The following OR56A3 variants were observed in gnomAD, a reference collection of about 807,000 sequenced individuals.
OR56A3 encodes olfactory receptor family 56 subfamily A member 3, also known as olfactory receptor 56A3.
In OR56A3, 23 loss-of-function variants were observed where a neutral mutation model predicts 17.5. That is an observed-to-expected ratio of 1.32 (90% CI 0.95 to 1.87). The LOEUF (loss-of-function observed/expected upper bound fraction) is 1.87. Ranked by LOEUF, OR56A3 falls within the 40% of genes most tolerant of loss-of-function variation. The pLI, the probability that OR56A3 is intolerant of heterozygous loss-of-function variation, is 0.00. For missense variants in OR56A3, 366 were observed against 380.1 expected (o/e 0.96, Z 0.31); for synonymous variants, 175 against 150.6 (o/e 1.16, Z -1.19).
the OR56A3 span, among the ~76,000 whole-genome samples, chr11:5,982,660 G>T: frequency 6.6e-6 from 1 of 152,124 alleles, no homozygotes; most frequent in African/African-American, 2.4e-5. Flanking sequence ...AAGCCTTGGG[G>T]GATGGGTGTC....
the OR56A3 span, among the ~76,000 whole-genome samples, chr11:5,979,758 TC>T: frequency 1.0e-3 from 156 of 152,234 alleles, 2 homozygotes; most frequent in East Asian, 0.028. Context: ...GGGGTTGTTT[TC>T]TTCTTGTTTT....
chr11:5,952,776 A>G (rs1429389099), downstream of OR56A3, among the ~76,000 whole-genome samples: 2 of 152,186 alleles, frequency 1.3e-5, no homozygotes, highest in African/African-American at 4.8e-5. Context: ...AGTGCCCAAC[A>G]GTTTGTTTTC....
At chr11:6,005,790 C>T in the OR56A3 span, among the ~76,000 whole-genome samples, 1 of 152,152 alleles carries the variant, frequency 6.6e-6, no homozygotes, top group Non-Finnish European at 1.5e-5. Context: ...CTCTTTTATA[C>T]AGGTATCAGT....
the OR56A3 span, chr11:5,967,905 A>G: frequency 6.3e-7 from 1 of 1,591,172 alleles, no homozygotes. Context: ...GCTCTGATTC[A>G]AGGTGATGTC....
At chr11:6,002,222 G>C in the OR56A3 span, 54 of 1,614,052 alleles carry the variant, frequency 3.3e-5, no homozygotes, top group Non-Finnish European at 4.4e-5. Context: ...GAACCAGCAG[G>C]ACTGTGCTGA....
the OR56A3 span, among the ~76,000 whole-genome samples, chr11:6,009,904 C>G: frequency 6.2e-4 from 95 of 152,206 alleles, 2 homozygotes; most frequent in East Asian, 0.016. Flanking sequence ...CTTTTAACCT[C>G]TATTTCCCAT....
At chr11:5,985,971 T>A in the OR56A3 span, 1 of 1,610,818 alleles carries the variant, frequency 6.2e-7, no homozygotes, top group South Asian at 1.1e-5. Flanking sequence ...CTCTGAGCAC[T>A]CGCTGGCGGA....
At position 5,948,316 on chromosome 11, in the gene OR56A3, A is replaced by C; in HGVS notation, c.*22A>C. 1 of 1,486,708 alleles carries C rather than the reference A, an allele frequency of 6.7e-7. No individual in the cohort carries two copies. Among genetic ancestry groups the C allele is most frequent in the Non-Finnish European group, 9.3e-7 (1 of 1,073,526 alleles). 92.1% of individuals were successfully genotyped at this position (1,486,708 alleles called of 1,614,324 possible). A position where few individuals can be genotyped will look rare whatever the true frequency, so the allele number is the denominator to read the frequency against. On this transcript the variant is annotated 3_prime_UTR_variant, in exon 3 of 3. Transcript: ENST00000641160. ...CTAACAAGGACCACTGGATCTCTGAATATCTAAAATAAGATAATTTATTAA... is the reference window on the plus strand; with the variant it reads ...CTAACAAGGACCACTGGATCTCTGACTATCTAAAATAAGATAATTTATTAA...
chr11:5,979,084 G>C, the OR56A3 span, among the ~76,000 whole-genome samples: 2 of 150,804 alleles, frequency 1.3e-5, no homozygotes, highest in African/African-American at 4.9e-5. Context: ...TGGTGGATTA[G>C]CTTTTTGATG....
At chr11:6,015,499 T>C in the OR56A3 span, among the ~76,000 whole-genome samples, 1 of 152,232 alleles carries the variant, frequency 6.6e-6, no homozygotes, top group Non-Finnish European at 1.5e-5. Flanking sequence ...TCTGGTATTC[T>C]AGGGCTGCCA....
At chr11:5,986,580 G>C in the OR56A3 span, 9 of 1,613,974 alleles carry the variant, frequency 5.6e-6, no homozygotes, top group Non-Finnish European at 6.8e-6. Context: ...AGAACATCTG[G>C]ATCAGGCAGA....
chr11:6,002,279 G>C, the OR56A3 span: 1 of 1,614,174 alleles, frequency 6.2e-7, no homozygotes, highest in Non-Finnish European at 8.5e-7. Flanking sequence ...TCAAGGCCTT[G>C]GCCACAGCAC....
the OR56A3 span, among the ~76,000 whole-genome samples, chr11:5,977,146 G>A: frequency 6.6e-6 from 1 of 152,054 alleles, no homozygotes; most frequent in South Asian, 2.1e-4. Context: ...CCATATCATT[G>A]CTATTGTGAA....
In OR56A3 at chr11:5,948,089, A is replaced by T. The variant is rs752922499; in HGVS notation, c.743A>T (p.His248Leu). The change falls in exon 3 of 3, where the codon CAC (histidine) becomes CTC (leucine). Residue 248 changes from histidine to leucine, a missense_variant. By Grantham distance (99) the His-to-Leu change is moderately conservative. Transcript: ENST00000641160. Reference protein sequence around the residue: ...VAKALSTCGSHFMLILFFSTI... With the variant: ...VAKALSTCGSLFMLILFFSTI... Reference sequence around the variant, plus strand: ...AAGGCCCTAAGCACATGTGGCTCCCACTTCATGCTCATCCTCTTCTTCAGC... The same window carrying T: ...AAGGCCCTAAGCACATGTGGCTCCCTCTTCATGCTCATCCTCTTCTTCAGC... 2 of 1,614,212 alleles carry T rather than the reference A, an allele frequency of 1.2e-6. No individual in the cohort carries two copies. The highest frequency in any genetic ancestry group is 3.3e-5 in the Admixed American group (2 of 60,026).
the OR56A3 span, chr11:5,985,953 T>C: frequency 6.2e-7 from 1 of 1,606,600 alleles, no homozygotes; most frequent in African/African-American, 1.3e-5. Context: ...AATCCTTTTG[T>C]GTAAACACTC....
chr11:6,006,920 A>G, the OR56A3 span: 1 of 152,320 alleles, frequency 6.6e-6, no homozygotes, highest in African/African-American at 2.4e-5. Flanking sequence ...AGACTCACCA[A>G]ATTCAGAAGG....
chr11:5,956,108 T>C (rs1290319762), downstream of OR56A3, among the ~76,000 whole-genome samples: 1 of 152,230 alleles, frequency 6.6e-6, no homozygotes, highest in East Asian at 1.9e-4. Context: ...TCATAGAAAA[T>C]GTCAAATCCT....
At chr11:5,981,420 C>G in the OR56A3 span, among the ~76,000 whole-genome samples, 1 of 152,088 alleles carries the variant, frequency 6.6e-6, no homozygotes, top group Admixed American at 6.5e-5. Flanking sequence ...AATCTTCAAG[C>G]TCTGAGATTA....
chr11:5,979,147 A>C, the OR56A3 span, among the ~76,000 whole-genome samples: 3 of 144,836 alleles, frequency 2.1e-5, no homozygotes, highest in Non-Finnish European at 3.0e-5. Context: ...GGATTTTTGC[A>C]TCTATGTTCA....
Sources: allele counts gnomAD v4.1 joint callset (sites outside exome capture counted in the v4.1 genomes callset), GRCh38; gene constraint gnomAD v4.1.1; transcripts MANE v1.5; gene names NCBI Gene and HGNC (gene_info 2026-07-23, HGNC 2026-07-21).